Variants in CNTN3 observed in about 807,000 individuals in gnomAD.
The protein encoded by CNTN3 is contactin-3.
In CNTN3, 60 loss-of-function variants were observed where a neutral mutation model predicts 119.1. The observed-to-expected ratio is 0.50, with a 90% CI of 0.41 to 0.62. CNTN3 has a LOEUF of 0.62. Ranked by LOEUF, CNTN3 falls within the 20% of genes least tolerant of loss-of-function variation. The pLI is 0.00. For synonymous variants in CNTN3, 450 were observed against 438.7 expected (o/e 1.03, Z -0.32); for missense variants, 1,101 against 1,242.4 (o/e 0.89, Z 1.71).
At chr3:74,559,209 C>T (rs1575829183) in intron 1 of CNTN3, among the ~76,000 whole-genome samples, 1 of 152,076 alleles carries the variant, frequency 6.6e-6, no homozygotes, top group Admixed American at 6.6e-5. Context: ...TTGGACCTCC[C>T]TTTTCTCAAC....
rs1461830962 is a variant in CNTN3 at position 74,365,688 on chromosome 3, C to G, written c.961G>C (p.Val321Leu). The G allele has an allele frequency of 1.2e-6, 2 of 1,609,376 alleles. No homozygotes were observed. Among genetic ancestry groups the G allele is most frequent in the Non-Finnish European group, 1.7e-6 (2 of 1,177,614 alleles). ...ATTTCCACATCCTTTATGAGTTGAA[C>G]CCAATGGGGCTTTGCTTCAATGAAA... is the stretch of plus-strand genomic sequence containing the variant. Reference protein sequence around the residue: ...RLTYYAKPHWVQLIKDVEIAV... With the variant: ...RLTYYAKPHWLQLIKDVEIAV... The change falls in exon 9 of 23, where the codon GTT becomes CTT. Residue 321 changes from valine (V) to leucine (L), a missense_variant. Transcript: ENST00000263665.
rs80167472 is a variant in CNTN3, at chr3:74,498,180, C to T, written c.182+1479G>A. Among the ~76,000 whole-genome samples the T allele has an allele frequency of 6.2e-3, 934 of 151,836 alleles. 13 individuals carry two copies. Among genetic ancestry groups the T allele is most frequent in the African/African-American group, 0.021 (868 of 41,504 alleles). On this transcript the variant is annotated intron_variant, in intron 3 of 22. Transcript: ENST00000263665. ...CATGGCTGCTTTATCATATTTACAGCTATGTCTATGAGAATAATCTTTCAT... is the reference window on the plus strand; with the variant it reads ...CATGGCTGCTTTATCATATTTACAGTTATGTCTATGAGAATAATCTTTCAT...
chr3:74,465,776 C>G (rs1020595854), intron 4 of CNTN3, among the ~76,000 whole-genome samples: 2 of 152,126 alleles, frequency 1.3e-5, no homozygotes, highest in African/African-American at 2.4e-5. Flanking sequence ...CAGGGATAGG[C>G]AGGGCTCCTA....
chr3:74,333,336 G>T (rs989713671), intron 13 of CNTN3, among the ~76,000 whole-genome samples: 5 of 152,198 alleles, frequency 3.3e-5, no homozygotes, highest in Non-Finnish European at 7.3e-5. Context: ...TCACAGTTCT[G>T]ATGGCTGGAA....
At chr3:74,499,078 C>A (rs1303739812) in intron 3 of CNTN3, among the ~76,000 whole-genome samples, 1 of 1,254 alleles carries the variant, frequency 8.0e-4, no homozygotes, top group African/African-American at 1.8e-3. Context: ...TTCTTTTTTC[C>A]TTATACTTTG....
At chr3:74,300,645 G>A (rs9826090) in intron 16 of CNTN3, among the ~76,000 whole-genome samples, 5,352 of 152,262 alleles carry the variant, frequency 0.035, 300 homozygotes, top group African/African-American at 0.12. Flanking sequence ...ATTGTTCTGA[G>A]TGAAACAGCA....
In CNTN3 at chr3:74,498,446, C is replaced by G. The variant is rs79556777; in HGVS notation, c.182+1213G>C. On this transcript the variant is annotated intron_variant, in intron 3 of 22. Transcript: ENST00000263665. ...AGAAAGAGGTAGAGGCAGAGAAAAA[C>G]TTTTTCTCATCTTTGCCAACTCTAA... Among the ~76,000 whole-genome samples the G allele has an allele frequency of 2.0e-5, 3 of 151,834 alleles. No individual in the cohort carries two copies. The East Asian group carries it at 5.8e-4, about 29-fold the overall frequency.
chr3:74,381,230 T>C (rs1414690064), intron 5 of CNTN3, among the ~76,000 whole-genome samples: 1 of 152,088 alleles, frequency 6.6e-6, no homozygotes, highest in Non-Finnish European at 1.5e-5. Flanking sequence ...TTCTGAATGA[T>C]AACTTTTCTG....
chr3:74,474,929 C>T (rs1284423590), intron 4 of CNTN3, among the ~76,000 whole-genome samples: 2 of 152,150 alleles, frequency 1.3e-5, no homozygotes, highest in Non-Finnish European at 2.9e-5. Context: ...TGCCTGCTCC[C>T]TCTTCGCCTT....
chr3:74,584,724 T>C (rs1704566518), intron 1 of CNTN3, among the ~76,000 whole-genome samples: 2 of 152,196 alleles, frequency 1.3e-5, no homozygotes, highest in Non-Finnish European at 2.9e-5. Flanking sequence ...TTTGACGTGT[T>C]ATATATGTAT....
chr3:74,311,295 T>C (rs1702679454), intron 13 of CNTN3, among the ~76,000 whole-genome samples: 1 of 152,130 alleles, frequency 6.6e-6, no homozygotes, highest in African/African-American at 2.4e-5. Context: ...CATCTCAAAG[T>C]CATATTGAAA....
chr3:74,497,208 T>C (rs73839766), intron 3 of CNTN3, among the ~76,000 whole-genome samples: 206 of 152,094 alleles, frequency 1.4e-3, no homozygotes, highest in African/African-American at 4.8e-3. Context: ...ATATTTAGAG[T>C]ATTTATTTGT....
At chr3:74,313,067 A>T (rs996125714) in intron 13 of CNTN3, among the ~76,000 whole-genome samples, 2 of 152,156 alleles carry the variant, frequency 1.3e-5, no homozygotes, top group African/African-American at 4.8e-5. Flanking sequence ...GCTTATTAAT[A>T]GACTGGGCAT....
At chr3:74,268,440 A>G (rs547351820) in intron 20 of CNTN3, among the ~76,000 whole-genome samples, 2 of 152,330 alleles carry the variant, frequency 1.3e-5, no homozygotes, top group Admixed American at 1.3e-4. Context: ...AGAAATTTCT[A>G]AACATCATTG....
intron 20 of CNTN3, among the ~76,000 whole-genome samples, chr3:74,281,839 C>T (rs1346402353): frequency 6.6e-6 from 1 of 152,062 alleles, no homozygotes; most frequent in African/African-American, 2.4e-5. Context: ...ACCAATAATT[C>T]AGTTTTATTA....
At chr3:74,545,358 T>G (rs1471063212) in intron 1 of CNTN3, among the ~76,000 whole-genome samples, 1 of 152,156 alleles carries the variant, frequency 6.6e-6, no homozygotes, top group African/African-American at 2.4e-5. Context: ...ACCTACATCC[T>G]CCTCAATCGT....
chr3:74,524,124 T>G (rs1460041340), intron 1 of CNTN3, among the ~76,000 whole-genome samples: 2 of 151,932 alleles, frequency 1.3e-5, no homozygotes, highest in Non-Finnish European at 1.5e-5. Context: ...AGAAGGTGAT[T>G]GTTTTCAAAA....
chr3:74,521,710 C>A (rs1703546248), intron 1 of CNTN3, among the ~76,000 whole-genome samples: 1 of 151,778 alleles, frequency 6.6e-6, no homozygotes, highest in Admixed American at 6.6e-5. Context: ...CTGTGTAAAA[C>A]AGATTTTAAA....
intron 13 of CNTN3, among the ~76,000 whole-genome samples, chr3:74,331,345 G>A (rs1437851215): frequency 2.6e-5 from 4 of 152,190 alleles, no homozygotes; most frequent in African/African-American, 9.6e-5. Flanking sequence ...CAGGGCAGGA[G>A]GAATAGGCTA....
Sources: allele counts gnomAD v4.1 joint callset (sites outside exome capture counted in the v4.1 genomes callset), GRCh38; gene constraint gnomAD v4.1.1; transcripts MANE v1.5; gene names NCBI Gene and HGNC (gene_info 2026-07-23, HGNC 2026-07-21).